Variants in RASEF observed in about 807,000 individuals in gnomAD.
RASEF encodes the protein RAS and EF-hand domain containing.
Under a neutral mutation model 90.1 loss-of-function variants are expected in RASEF, and 68 were observed. The ratio of observed to expected loss-of-function variants is 0.75; its 90% confidence interval spans 0.62 to 0.92. RASEF has a LOEUF of 0.92. Ranked by LOEUF, RASEF falls within the 40% of genes least tolerant of loss-of-function variation. The pLI is 0.00. For missense variants in RASEF, 949 were observed against 937.2 expected, an observed-to-expected ratio of 1.01 and a Z score of -0.16; for synonymous variants, 331 against 345.2, an observed-to-expected ratio of 0.96 and a Z score of 0.46.
the RASEF span, among the ~76,000 whole-genome samples, chr9:83,218,616 C>T: frequency 6.6e-6 from 1 of 152,006 alleles, no homozygotes; most frequent in African/African-American, 2.4e-5. Context: ...AGCAGAAAAA[C>T]CAGCACCTCC....
At chr9:83,136,348 G>A in the RASEF span, among the ~76,000 whole-genome samples, 1 of 152,016 alleles carries the variant, frequency 6.6e-6, no homozygotes, top group Non-Finnish European at 1.5e-5. Context: ...TCCCCTAATA[G>A]TACTGCAAAT....
At chr9:83,145,345 A>G in the RASEF span, among the ~76,000 whole-genome samples, 1 of 152,182 alleles carries the variant, frequency 6.6e-6, no homozygotes, top group Non-Finnish European at 1.5e-5. Context: ...TATACCACTT[A>G]AGAGAATTTT....
At chr9:83,028,656 T>C (rs1171728238) in intron 1 of RASEF, among the ~76,000 whole-genome samples, 1 of 152,188 alleles carries the variant, frequency 6.6e-6, no homozygotes, top group African/African-American at 2.4e-5. Flanking sequence ...TAGAATACAA[T>C]TTATAATTGT....
the RASEF span, among the ~76,000 whole-genome samples, chr9:83,092,003 C>CTTTTTTTTTTTTTTTTTTT: frequency 1.8e-3 from 65 of 35,906 alleles, 4 homozygotes; most frequent in Middle Eastern, 0.033. Context: ...TCTTTTATTT[C>CTTTTTTTTTTTTTTTTTTT]TTTTTTTTTT....
intron 9 of RASEF, among the ~76,000 whole-genome samples, chr9:83,002,540 TAATAAC>T (rs1829060422): frequency 4.0e-5 from 6 of 150,686 alleles, no homozygotes; most frequent in Admixed American, 4.0e-4. Context: ...TATATACTAT[TAATAAC>T]AATAACAATG....
At chr9:83,164,373 ATG>A in the RASEF span, among the ~76,000 whole-genome samples, 10,283 of 141,730 alleles carry the variant, frequency 0.073, 626 homozygotes, top group African/African-American at 0.17. Context: ...ATATATATAT[ATG>A]TGTGTGTGTG....
intron 3 of RASEF, among the ~76,000 whole-genome samples, chr9:83,017,200 TCCAGG>T (rs930304245): frequency 3.9e-4 from 59 of 151,532 alleles, no homozygotes; most frequent in African/African-American, 1.4e-3. Context: ...AAATACTTTA[TCCAGG>T]CCAGGCATGG....
the RASEF span, among the ~76,000 whole-genome samples, chr9:83,178,307 A>G: frequency 1.3e-4 from 20 of 152,156 alleles, no homozygotes; most frequent in Non-Finnish European, 2.4e-4. Context: ...AATCTTGTAG[A>G]TAGTTCTTGC....
At chr9:83,098,688 G>A in the RASEF span, among the ~76,000 whole-genome samples, 2 of 152,150 alleles carry the variant, frequency 1.3e-5, no homozygotes, top group African/African-American at 4.8e-5. Context: ...TTACAATCAT[G>A]GTGGAAGGCA....
rs1014540862 is a variant in RASEF at position 82,980,408 on chromosome 9, C to T, written c.*2269G>A. The T allele has an allele frequency of 6.6e-6, 1 of 152,124 alleles. No homozygotes were observed. Among genetic ancestry groups the T allele is most frequent in the Non-Finnish European group, 1.5e-5 (1 of 68,022 alleles). 9.4% of individuals were successfully genotyped at this position (152,124 alleles called of 1,614,324 possible). On this transcript the variant is annotated 3_prime_UTR_variant, in exon 17 of 17. Transcript: ENST00000376447. ...TAAGTCTCTAATTTGGATTATGTTA[C>T]CAAAATATTTATCAGGGCTCAAATA...
At chr9:83,093,732 G>A in the RASEF span, among the ~76,000 whole-genome samples, 8 of 152,192 alleles carry the variant, frequency 5.3e-5, no homozygotes, top group Non-Finnish European at 1.2e-4. Flanking sequence ...TCTGGCCTTG[G>A]CCAGCCCAGA....
intron 1 of RASEF, among the ~76,000 whole-genome samples, chr9:83,057,059 A>G (rs1478926291): frequency 6.6e-6 from 1 of 152,220 alleles, no homozygotes; most frequent in Non-Finnish European, 1.5e-5. Flanking sequence ...CATAAAACCT[A>G]AGGCATGCAC....
the RASEF span, chr9:83,201,268 T>C: frequency 6.6e-6 from 1 of 152,258 alleles, no homozygotes; most frequent in African/African-American, 2.4e-5. Flanking sequence ...GCCCACTGCA[T>C]TCGGCCTTCA....
the RASEF span, among the ~76,000 whole-genome samples, chr9:83,128,250 C>T: frequency 6.6e-6 from 1 of 151,936 alleles, no homozygotes; most frequent in African/African-American, 2.4e-5. Context: ...CAGTCAAACG[C>T]CTAGGCAGAT....
the RASEF span, among the ~76,000 whole-genome samples, chr9:83,185,312 T>G: frequency 1.3e-5 from 2 of 151,838 alleles, no homozygotes; most frequent in African/African-American, 4.8e-5. Flanking sequence ...GGTGGACCAT[T>G]AAAGGGCCCC....
chr9:83,154,068 C>T, the RASEF span, among the ~76,000 whole-genome samples: 127 of 152,298 alleles, frequency 8.3e-4, no homozygotes, highest in African/African-American at 2.9e-3. Context: ...CTTGTCTGGG[C>T]GTTGGCAAAT....
At chr9:83,037,748 T>C (rs112457453) in intron 1 of RASEF, among the ~76,000 whole-genome samples, 23 of 146,284 alleles carry the variant, frequency 1.6e-4, no homozygotes, top group African/African-American at 5.7e-4. Flanking sequence ...TGTCCTATTT[T>C]TTTTTTTTTT....
At chr9:83,008,893 T>C (rs11139895) in intron 6 of RASEF, among the ~76,000 whole-genome samples, 1,641 of 30,098 alleles carry the variant, frequency 0.055, 80 homozygotes, top group East Asian at 0.19. Context: ...GTTCTCATCA[T>C]ATATATATAT....
chr9:83,004,040 C>T (rs1352881417), intron 9 of RASEF, among the ~76,000 whole-genome samples: 1 of 152,164 alleles, frequency 6.6e-6, no homozygotes, highest in Admixed American at 6.5e-5. Flanking sequence ...AGCTATTTTA[C>T]AAGGATCTAC....
Sources: gnomAD v4.1 joint callset for allele counts (sites outside exome capture counted in the v4.1 genomes callset) on GRCh38, gnomAD v4.1.1 for gene constraint, MANE v1.5 for transcripts, NCBI Gene and HGNC (gene_info 2026-07-23, HGNC 2026-07-21) for gene names.